FRMD7: variants seen among roughly 807,000 people sequenced by gnomAD.
FRMD7 encodes FERM domain containing 7.
FRMD7 carries 14 observed loss-of-function variants against 44.1 expected under a neutral mutation model. The observed-to-expected ratio is 0.32, with a 90% confidence interval of 0.21 to 0.50. FRMD7 has a LOEUF of 0.50. FRMD7 is among the 20% of genes least tolerant of loss of function. FRMD7 has a pLI of 0.99. For missense variants in FRMD7, 501 were observed against 522.3 expected, an observed-to-expected ratio of 0.96 and a Z score of 0.40; for synonymous variants, 212 against 187.4, an observed-to-expected ratio of 1.13 and a Z score of -1.07.
intron 1 of FRMD7, among the ~76,000 whole-genome samples, chrX:132,109,214 C>T (rs965886285): frequency 8.9e-6 from 1 of 111,846 alleles, no homozygotes; most frequent in East Asian, 2.8e-4. Context: ...TCTGATTCCA[C>T]ATTTTCATAG....
intron 1 of FRMD7, among the ~76,000 whole-genome samples, chrX:132,124,631 G>T (rs765377231): frequency 2.8e-4 from 31 of 111,893 alleles, no homozygotes; most frequent in Non-Finnish European, 5.5e-4. Context: ...AATATGCAAA[G>T]AAACCTCAGG....
intron 5 of FRMD7, among the ~76,000 whole-genome samples, chrX:132,089,532 A>G (rs1247917938): frequency 8.9e-6 from 1 of 112,329 alleles, no homozygotes; most frequent in East Asian, 2.8e-4. Context: ...TTGTACTTCA[A>G]AAGATATCCT....
chrX:132,109,968 G>A (rs949007113), intron 1 of FRMD7, among the ~76,000 whole-genome samples: 6 of 111,008 alleles, frequency 5.4e-5, no homozygotes, highest in Non-Finnish European at 1.1e-4. Flanking sequence ...CATGTGCCTT[G>A]AAGGTGAGGT....
intron 1 of FRMD7, among the ~76,000 whole-genome samples, chrX:132,118,909 C>T (rs779325945): frequency 6.3e-5 from 7 of 111,302 alleles, no homozygotes; most frequent in Admixed American, 5.8e-4. Flanking sequence ...TACTGGCTAT[C>T]TGGGGTTCAG....
In FRMD7 at chrX:132,086,923, C is replaced by T. The variant is rs150525002; in HGVS notation, c.383-889G>A. Among the ~76,000 whole-genome samples the T allele has an allele frequency of 8.0e-5, 9 of 112,160 alleles. No homozygotes were observed. In the East Asian group the frequency reaches 2.5e-3, roughly 31 times the overall value. On this transcript the variant is annotated intron_variant, in intron 5 of 11. Coordinates refer to ENST00000298542, the MANE Select transcript of FRMD7 (RefSeq NM_194277.3). Reference sequence around the variant, plus strand: ...TAAATCCCCAGCTATCTGAAATCCCCAATAGATGAATCATCCTGAAAATCA... The same window carrying T: ...TAAATCCCCAGCTATCTGAAATCCCTAATAGATGAATCATCCTGAAAATCA...
At position 132,077,941 on chromosome X, in the gene FRMD7, ATCTTCATCT is replaced by A. The variant is rs746502563; in HGVS notation, c.2067_2075del (p.Glu689_Glu691del). 2.8e-5 allele frequency: 34 copies of A among 1,209,104 alleles called. No homozygotes were observed. The highest frequency in any genetic ancestry group is 3.5e-5 in the South Asian group (2 of 56,802). On this transcript the variant is annotated inframe_deletion, in exon 12 of 12. Coordinates refer to ENST00000298542, the MANE Select transcript of FRMD7 (RefSeq NM_194277.3). ...CAGCAGTTGGTGTGTTGAAATAAGC[ATCTTCATCT>A]TCTTCATCTAACTGTAGACTACCAG... is the stretch of plus-strand genomic sequence containing the variant.
chrX:132,078,084 A>G lies in FRMD7; in HGVS notation c.1933T>C (p.Tyr645His), dbSNP rs892719233. 1 of 1,209,701 alleles carries G rather than the reference A, an allele frequency of 8.3e-7. No homozygotes were observed. The highest frequency in any genetic ancestry group is 1.8e-5 in the African/African-American group (1 of 57,113). ...GAATCACTGGATTCACTAGCTACAT[A>G]CCTTTCTGCTGTACTTTGATCCATT... The part of the protein sequence containing the change: ...VLMDQSTAER[Y>H]VASESSDSES... The change falls in exon 12 of 12, where the codon TAT (tyrosine) becomes CAT (histidine). Residue 645 changes from tyrosine to histidine, a missense_variant. Coordinates refer to ENST00000298542, the MANE Select transcript of FRMD7 (RefSeq NM_194277.3).
chrX:132,080,852 C>T (rs1172877077), intron 9 of FRMD7, among the ~76,000 whole-genome samples: 1 of 110,816 alleles, frequency 9.0e-6, no homozygotes, highest in Non-Finnish European at 1.9e-5. Flanking sequence ...AAGGCTTTTC[C>T]TCTACCTCCA....
At chrX:132,095,873 C>T (rs1192999643) in intron 4 of FRMD7, among the ~76,000 whole-genome samples, 1 of 112,338 alleles carries the variant, frequency 8.9e-6, no homozygotes, top group Non-Finnish European at 1.9e-5. Context: ...AGGTGAATTT[C>T]GTTTTGCTCC....
Position 132,084,497 on chromosome X carries a change from T to C in FRMD7, c.734A>G (p.Asn245Ser). The C allele has an allele frequency of 2.6e-6, 3 of 1,144,273 alleles. No individual in the cohort carries two copies. Among genetic ancestry groups the C allele is most frequent in the Non-Finnish European group, 3.6e-6 (3 of 833,737 alleles). 94.3% of individuals were successfully genotyped at this position (1,144,273 alleles called of 1,213,427 possible). A position where few individuals can be genotyped will look rare whatever the true frequency, so the allele number is the denominator to read the frequency against. ...TATTAGAAAGCTACTTACCAAGATA[T>C]TGGCATGAAGTTTGATGAGAAAATG... ...RKHFLIKLHA[N>S]ILVLCKDTLE... The change falls in exon 8 of 12, where the codon AAT becomes AGT. Residue 245 changes from asparagine to serine, a missense_variant. Transcript: ENST00000298542.
Position 132,077,215 on chromosome X carries a change from G to A in FRMD7, c.*657C>T, listed in dbSNP as rs1200617456. 1 of 111,375 alleles carries A rather than the reference G, an allele frequency of 9.0e-6. No individual in the cohort carries two copies. Among genetic ancestry groups the A allele is most frequent in the East Asian group, 2.8e-4 (1 of 3,560 alleles). The allele number at this position is 111,375 out of a possible 1,213,427, so 9.2% of individuals were successfully genotyped here. On this transcript the variant is annotated 3_prime_UTR_variant, in exon 12 of 12. Transcript: ENST00000298542. ...AACATGATACTTTCATCTGGTTTATGTCTGGCTCTAGAAATTGATTTAATT... is the reference window on the plus strand; with the variant it reads ...AACATGATACTTTCATCTGGTTTATATCTGGCTCTAGAAATTGATTTAATT...
chrX:132,087,857 T>C (rs963993593), intron 5 of FRMD7, among the ~76,000 whole-genome samples: 1 of 110,481 alleles, frequency 9.1e-6, no homozygotes, highest in Non-Finnish European at 1.9e-5. Context: ...ACACAATGAG[T>C]TGAATTTATC....
intron 1 of FRMD7, among the ~76,000 whole-genome samples, chrX:132,103,425 C>T (rs1308886878): frequency 3.6e-5 from 4 of 111,109 alleles, no homozygotes; most frequent in Non-Finnish European, 7.5e-5. Context: ...TCAGTCCTCC[C>T]ACTGAAGGAA....
Position 132,122,600 on chromosome X carries a change from T to G in FRMD7, c.57+5188A>C, listed in dbSNP as rs149944783. On this transcript the variant is annotated intron_variant, in intron 1 of 11. Coordinates refer to ENST00000298542, the MANE Select transcript of FRMD7 (RefSeq NM_194277.3). Reference sequence around the variant, plus strand: ...GAAATTCTACCTCATTAGCATGTCTTTTATTCATCCTTCCTGTCTGTCTTC... The same window carrying G: ...GAAATTCTACCTCATTAGCATGTCTGTTATTCATCCTTCCTGTCTGTCTTC... Among the ~76,000 whole-genome samples, 72 of 111,928 alleles carry G rather than the reference T, an allele frequency of 6.4e-4. 1 individual carries two copies. The highest frequency in any genetic ancestry group is 1.2e-3 in the Non-Finnish European group (62 of 53,174).
chrX:132,091,853 C>A (rs925218241), intron 5 of FRMD7, among the ~76,000 whole-genome samples: 2 of 110,382 alleles, frequency 1.8e-5, no homozygotes, highest in African/African-American at 6.6e-5. Flanking sequence ...ATATTTATGC[C>A]GATGTTAACT....
intron 1 of FRMD7, among the ~76,000 whole-genome samples, chrX:132,122,634 C>T (rs182382129): frequency 3.0e-4 from 34 of 112,060 alleles, no homozygotes; most frequent in African/African-American, 1.1e-3. Context: ...TCACCATTGA[C>T]GAAGTTCAGA....
rs1927927135 is a variant in FRMD7, at chrX:132,084,658, A to G, written c.646-73T>C. On this transcript the variant is annotated intron_variant, in intron 7 of 11. Transcript: ENST00000298542. ...GCTTGTAAGACAGTGCAAACCTGATAGAAAATGCACTTAATGAGAGGGACC... is the reference window on the plus strand; with the variant it reads ...GCTTGTAAGACAGTGCAAACCTGATGGAAAATGCACTTAATGAGAGGGACC... 6.3e-6 allele frequency: 4 copies of G among 630,999 alleles called. No individual in the cohort carries two copies. The East Asian group carries it at 1.3e-4, about 21-fold the overall frequency. The allele number at this position is 630,999 out of a possible 1,213,427, so 52.0% of individuals were successfully genotyped here.
In FRMD7 at chrX:132,084,529, C is replaced by T; in HGVS notation, c.702G>A (p.Lys234=). The T allele has an allele frequency of 2.5e-6, 3 of 1,189,644 alleles. No individual in the cohort carries two copies. Among genetic ancestry groups the T allele is most frequent in the South Asian group, 1.8e-5 (1 of 56,495 alleles). Residue 234 remains lysine, a synonymous_variant, in exon 8 of 12, where the codon AAG becomes AAA. Coordinates refer to ENST00000298542, the MANE Select transcript of FRMD7 (RefSeq NM_194277.3). ...NWAKIRKLSF[K]RKHFLIKLHA... ...GAAGTTTGATGAGAAAATGCTTTCT[C>T]TTAAAACTCAACTTGCGGATTTTAG...
At chrX:132,121,609 C>G (rs1929035767) in intron 1 of FRMD7, among the ~76,000 whole-genome samples, 1 of 109,063 alleles carries the variant, frequency 9.2e-6, no homozygotes, top group Non-Finnish European at 1.9e-5. Flanking sequence ...AAAAAAAAAC[C>G]CAAGGCACAG....
Sources: allele counts gnomAD v4.1 joint callset (sites outside exome capture counted in the v4.1 genomes callset), GRCh38; gene constraint gnomAD v4.1.1; transcripts MANE v1.5; gene names NCBI Gene and HGNC (gene_info 2026-07-23, HGNC 2026-07-21).